Variants in IL17REL observed in about 807,000 individuals in gnomAD.
IL17REL encodes the protein interleukin-17 receptor E-like protein.
IL17REL carries 36 observed loss-of-function variants against 49.0 expected under a neutral mutation model. That is an observed-to-expected ratio of 0.73 (90% CI 0.56 to 0.97). IL17REL has a LOEUF of 0.97. Among genes scored for constraint, IL17REL ranks in the 50% least tolerant of loss-of-function variants. The pLI is 0.00. For missense variants in IL17REL, 470 were observed against 453.9 expected, an observed-to-expected ratio of 1.04 and a Z score of -0.32; for synonymous variants, 206 against 192.4, an observed-to-expected ratio of 1.07 and a Z score of -0.58.
At chr22:50,002,736 C>G (rs2146751523) in intron 1 of IL17REL, among the ~76,000 whole-genome samples, 1 of 152,168 alleles carries the variant, frequency 6.6e-6, no homozygotes, top group South Asian at 2.1e-4. Context: ...CTCAGGTGAT[C>G]CGCCCACCTC....
intron 1 of IL17REL, among the ~76,000 whole-genome samples, chr22:50,004,089 T>G (rs1055325612): frequency 8.3e-5 from 12 of 144,412 alleles, no homozygotes; most frequent in Admixed American, 2.1e-4. Context: ...TTTTTTTGTG[T>G]TTTTTTTGAG....
At chr22:50,010,828 G>A (rs866716062), upstream of IL17REL, among the ~76,000 whole-genome samples, 1,472 of 147,244 alleles carry the variant, frequency 1.0e-2, 29 homozygotes, top group African/African-American at 0.034. Flanking sequence ...GCGGGGGGGG[G>A]CTGAGCCCGG....
intron 1 of IL17REL, among the ~76,000 whole-genome samples, chr22:50,008,272 G>C (rs966159209): frequency 6.6e-6 from 1 of 152,234 alleles, no homozygotes; most frequent in Non-Finnish European, 1.5e-5. Context: ...AGACAAGGTA[G>C]TTGTTAAAGG....
chr22:50,000,541 C>T (rs1224230001), exon 4 of IL17REL: 1 of 1,613,606 alleles, frequency 6.2e-7, no homozygotes, highest in Non-Finnish European at 8.5e-7. Context: ...CTCAGGGTGA[C>T]ATAGAGGTGC....
chr22:49,994,945 G>A (rs928863918), exon 13 of IL17REL: 1 of 152,392 alleles, frequency 6.6e-6, no homozygotes, highest in African/African-American at 2.4e-5. Flanking sequence ...GTGGCCCCCA[G>A]GCAGGTGGCC....
intron 1 of IL17REL, among the ~76,000 whole-genome samples, chr22:50,001,723 C>G (rs925976163): frequency 5.9e-5 from 9 of 152,256 alleles, no homozygotes; most frequent in Non-Finnish European, 1.2e-4. Flanking sequence ...GCTCTGAGAC[C>G]AAACGCCATT....
chr22:50,007,655 A>C (rs1358306439), intron 1 of IL17REL, among the ~76,000 whole-genome samples: 1 of 152,114 alleles, frequency 6.6e-6, no homozygotes, highest in Non-Finnish European at 1.5e-5. Flanking sequence ...CTGGGATTAC[A>C]GGTGTGAGCC....
exon 5 of IL17REL, chr22:49,999,942 G>A (rs2061068068): frequency 1.3e-6 from 2 of 1,526,090 alleles, no homozygotes; most frequent in East Asian, 2.6e-5. Flanking sequence ...TGCGCCTCCG[G>A]TCCACCCAGT....
At chr22:50,004,623 G>A (rs1275693281) in intron 1 of IL17REL, among the ~76,000 whole-genome samples, 1 of 152,016 alleles carries the variant, frequency 6.6e-6, no homozygotes, top group Admixed American at 6.6e-5. Context: ...CACTTTGGGA[G>A]GCCGAGGAGG....
chr22:50,001,910 C>T (rs549801178), intron 1 of IL17REL, among the ~76,000 whole-genome samples: 80 of 152,352 alleles, frequency 5.3e-4, no homozygotes, highest in African/African-American at 1.8e-3. Flanking sequence ...AAGGCATGGC[C>T]ACCGAGGCGT....
At chr22:49,997,419 G>A (rs2061043213) in intron 10 of IL17REL, 1 of 1,613,040 alleles carries the variant, frequency 6.2e-7, no homozygotes, top group African/African-American at 1.3e-5. Flanking sequence ...GGGCGGGGCT[G>A]GACGAGAAGA....
downstream of IL17REL, among the ~76,000 whole-genome samples, chr22:49,993,103 ACT>A (rs1272506935): frequency 1.4e-4 from 22 of 152,160 alleles, no homozygotes; most frequent in African/African-American, 5.1e-4. The surrounding 1 kb of genome is among the most constrained non-coding windows in gnomAD (Gnocchi z 6.0). Flanking sequence ...CAGCACTGAC[ACT>A]CTGACCCAAG....
At chr22:50,002,821 C>T (rs1006462009) in intron 1 of IL17REL, among the ~76,000 whole-genome samples, 18 of 152,218 alleles carry the variant, frequency 1.2e-4, no homozygotes, top group Admixed American at 6.5e-4. Context: ...CAAATTCCCA[C>T]TGTAGTCCGG....
intron 1 of IL17REL, among the ~76,000 whole-genome samples, chr22:50,005,024 G>T (rs1002702605): frequency 6.7e-6 from 1 of 148,612 alleles, no homozygotes; most frequent in Non-Finnish European, 1.5e-5. Flanking sequence ...GACTCACGGT[G>T]AGCAAGGAAA....
At chr22:50,008,141 T>C (rs2061119850) in intron 1 of IL17REL, among the ~76,000 whole-genome samples, 1 of 152,300 alleles carries the variant, frequency 6.6e-6, no homozygotes, top group South Asian at 2.1e-4. Context: ...CCTAGAGCAA[T>C]GTTTGCCTAG....
intron 1 of IL17REL, among the ~76,000 whole-genome samples, chr22:50,005,046 T>C (rs986503426): frequency 1.4e-5 from 2 of 142,632 alleles, no homozygotes; most frequent in Non-Finnish European, 3.0e-5. Context: ...TGAGGACATA[T>C]ACAGAGTTAG....
At chr22:50,009,583 C>T (rs764506891), upstream of IL17REL, among the ~76,000 whole-genome samples, 83 of 150,610 alleles carry the variant, frequency 5.5e-4, 1 homozygote, top group Non-Finnish European at 5.9e-4. Context: ...AACACAGCCG[C>T]TCCATTCTTG....
At chr22:49,995,687 T>A (rs1321359473) in exon 13 of IL17REL, 1 of 152,112 alleles carries the variant, frequency 6.6e-6, no homozygotes, top group South Asian at 2.1e-4. Flanking sequence ...GGCTGAGACA[T>A]GTGAGGGAAG....
rs1369954983 is a variant in IL17REL, at chr22:49,998,018, C to T, written c.819+7G>A. 6.3e-7 allele frequency: 1 copy of T among 1,596,278 alleles called. No individual in the cohort carries two copies. Among genetic ancestry groups the T allele is most frequent in the South Asian group, 1.1e-5 (1 of 89,296 alleles). On this transcript the variant is annotated splice_region_variant and intron_variant, in intron 9 of 12. Transcript: ENST00000341280. ...TAGGGCACTGGCAGGCTGTGGCAGC[C>T]CCTCACCTTCAGGCAGAGCTGGGGC...
Sources: gnomAD v4.1 joint callset for allele counts (sites outside exome capture counted in the v4.1 genomes callset) on GRCh38, gnomAD v4.1.1 for gene constraint, Gnocchi (gnomAD v3.1) non-coding constraint, MANE v1.5 for transcripts, NCBI Gene and HGNC (gene_info 2026-07-23, HGNC 2026-07-21) for gene names.